Variants in TASP1 observed in about 807,000 individuals in gnomAD.
TASP1 encodes threonine aspartase 1.
Under a neutral mutation model 56.6 loss-of-function variants are expected in TASP1, and 16 were observed. The observed-to-expected ratio is 0.28, with a 90% CI of 0.19 to 0.43. The LOEUF (loss-of-function observed/expected upper bound fraction) is 0.43, where lower values mean the gene tolerates loss of function less well. Ranked by LOEUF, TASP1 falls within the 20% of genes least tolerant of loss-of-function variation. The pLI, the probability that TASP1 is intolerant of heterozygous loss-of-function variation, is 1.00. For synonymous variants in TASP1, 179 were observed against 184.2 expected (o/e 0.97, Z 0.23); for missense variants, 393 against 511.6 (o/e 0.77, Z 2.24).
the TASP1 span, among the ~76,000 whole-genome samples, chr20:13,148,175 G>A: frequency 6.6e-6 from 1 of 152,200 alleles, no homozygotes; most frequent in Admixed American, 6.5e-5. Flanking sequence ...AAATGCCACT[G>A]ATCATTGTTT....
chr20:13,411,399 T>A (rs1336805508), intron 13 of TASP1, among the ~76,000 whole-genome samples: 1 of 152,194 alleles, frequency 6.6e-6, no homozygotes, highest in Non-Finnish European at 1.5e-5. Flanking sequence ...AAGATACTAA[T>A]TCTTCTGATC....
At chr20:13,582,135 AAAAG>A (rs1238073970) in intron 5 of TASP1, among the ~76,000 whole-genome samples, 1 of 151,706 alleles carries the variant, frequency 6.6e-6, no homozygotes, top group African/African-American at 2.4e-5. Context: ...AAAAAAAAAA[AAAAG>A]AAAAGCCCAA....
chr20:13,493,551 G>A (rs2043618133), intron 10 of TASP1, among the ~76,000 whole-genome samples: 1 of 152,074 alleles, frequency 6.6e-6, no homozygotes, highest in Non-Finnish European at 1.5e-5. Context: ...TACACCATTG[G>A]TTTGCTGGGG....
chr20:13,223,188 AAAATAAAT>A, the TASP1 span, among the ~76,000 whole-genome samples: 3 of 147,282 alleles, frequency 2.0e-5, no homozygotes, highest in African/African-American at 2.6e-5. Flanking sequence ...AAAATAAAAT[AAAATAAAT>A]AAATAAATAA....
chr20:13,579,053 C>G (rs917877890), intron 6 of TASP1, among the ~76,000 whole-genome samples: 1 of 152,122 alleles, frequency 6.6e-6, no homozygotes, highest in Non-Finnish European at 1.5e-5. Flanking sequence ...TGCTATTTTT[C>G]TTGCCAACCA....
At chr20:13,342,137 C>T in the TASP1 span, among the ~76,000 whole-genome samples, 11 of 152,286 alleles carry the variant, frequency 7.2e-5, no homozygotes, top group East Asian at 1.9e-4. Flanking sequence ...AGGAAGACTC[C>T]GTGGCCATTT....
At chr20:13,446,486 TA>T (rs2043415749) in intron 11 of TASP1, among the ~76,000 whole-genome samples, 2 of 152,066 alleles carry the variant, frequency 1.3e-5, no homozygotes, top group Non-Finnish European at 2.9e-5. Flanking sequence ...AGGTTTTAAA[TA>T]ACAACAATAA....
At chr20:13,109,040 T>G in the TASP1 span, among the ~76,000 whole-genome samples, 2 of 152,040 alleles carry the variant, frequency 1.3e-5, no homozygotes, top group African/African-American at 4.8e-5. Context: ...CCCATAAACC[T>G]CGGCCATTTT....
chr20:13,154,127 TG>T, the TASP1 span: 1 of 1,613,942 alleles, frequency 6.2e-7, no homozygotes, highest in Non-Finnish European at 8.5e-7. Flanking sequence ...TTTATATGCC[TG>T]GTAAAGTAGC....
At chr20:13,261,458 A>T in the TASP1 span, among the ~76,000 whole-genome samples, 4 of 151,866 alleles carry the variant, frequency 2.6e-5, no homozygotes, top group African/African-American at 9.7e-5. Context: ...AAGCTCAAAG[A>T]GTGTGGAAGC....
chr20:13,533,905 A>G lies in TASP1; in HGVS notation c.795+117T>C. On this transcript the variant is annotated intron_variant, in intron 9 of 13. Coordinates refer to ENST00000337743, the MANE Select transcript of TASP1 (RefSeq NM_017714.3). ...TTGATGATTTATACTACATGTTAAA[A>G]AACAATGACATTCATTTTTTCTAAA... is the stretch of plus-strand genomic sequence containing the variant. 7 of 1,244,168 alleles carry G rather than the reference A, an allele frequency of 5.6e-6. No homozygotes were observed. The Middle Eastern group carries it at 6.1e-4, about 109-fold the overall frequency. The allele number at this position is 1,244,168 out of a possible 1,614,324, so 77.1% of individuals were successfully genotyped here.
chr20:13,291,193 G>C, the TASP1 span, among the ~76,000 whole-genome samples: 2 of 152,202 alleles, frequency 1.3e-5, no homozygotes, highest in African/African-American at 4.8e-5. Context: ...GTGGCCAGGA[G>C]CCCTCTTCAT....
chr20:13,278,329 G>A, the TASP1 span, among the ~76,000 whole-genome samples: 2 of 152,166 alleles, frequency 1.3e-5, no homozygotes, highest in Admixed American at 6.5e-5. Flanking sequence ...CTGACCCTAA[G>A]GGTTAGTTGA....
chr20:13,230,047 CATTT>C, the TASP1 span, among the ~76,000 whole-genome samples: 1 of 152,148 alleles, frequency 6.6e-6, no homozygotes, highest in Non-Finnish European at 1.5e-5. Context: ...GCTGTTCCTT[CATTT>C]ATTCACTTCT....
chr20:13,422,483 C>T (rs996183918), intron 12 of TASP1, among the ~76,000 whole-genome samples: 3 of 152,138 alleles, frequency 2.0e-5, no homozygotes, highest in African/African-American at 7.2e-5. Context: ...GCCTCACATA[C>T]AGATCAGTGA....
the TASP1 span, chr20:13,126,809 C>G: frequency 2.7e-6 from 4 of 1,465,340 alleles, no homozygotes; most frequent in Non-Finnish European, 3.6e-6. Context: ...ACACCTTTAT[C>G]TTATAGAACC....
intron 10 of TASP1, among the ~76,000 whole-genome samples, chr20:13,485,419 C>T (rs559784928): frequency 2.2e-4 from 33 of 151,930 alleles, no homozygotes; most frequent in African/African-American, 6.5e-4. Flanking sequence ...TAGTTGTTCA[C>T]CTATTCAGTA....
the TASP1 span, among the ~76,000 whole-genome samples, chr20:13,319,031 A>G: frequency 1.3e-5 from 2 of 152,156 alleles, no homozygotes; most frequent in Non-Finnish European, 1.5e-5. Context: ...GGTGATAATG[A>G]TGTGTCAATG....
intron 3 of TASP1, among the ~76,000 whole-genome samples, chr20:13,624,002 A>T (rs1032866951): frequency 2.0e-5 from 3 of 152,222 alleles, no homozygotes; most frequent in African/African-American, 7.2e-5. Context: ...CATTTTGGAT[A>T]CTATAATGTA....
Sources: gnomAD v4.1 joint callset for allele counts (sites outside exome capture counted in the v4.1 genomes callset) on GRCh38, gnomAD v4.1.1 for gene constraint, MANE v1.5 for transcripts, NCBI Gene and HGNC (gene_info 2026-07-23, HGNC 2026-07-21) for gene names.